The following RBFOX1 variants were observed in gnomAD, a reference collection of about 807,000 sequenced individuals.
RBFOX1 encodes the protein RNA binding fox-1 homolog 1.
Under a neutral mutation model 57.7 loss-of-function variants are expected in RBFOX1, and 8 were observed. The ratio of observed to expected loss-of-function variants is 0.14; its 90% CI spans 0.08 to 0.25. RBFOX1 has a LOEUF of 0.25. Ranked by LOEUF, RBFOX1 falls within the 10% of genes least tolerant of loss-of-function variation. The pLI, the probability that RBFOX1 is intolerant of heterozygous loss-of-function variation, is 1.00. For synonymous variants in RBFOX1, 326 were observed against 222.4 expected (o/e 1.47, Z -4.15); for missense variants, 611 against 548.5 (o/e 1.11, Z -1.14).
intron 1 of RBFOX1, among the ~76,000 whole-genome samples, chr16:5,315,837 C>T (rs182250126): frequency 6.6e-6 from 1 of 152,212 alleles, no homozygotes; most frequent in Non-Finnish European, 1.5e-5. Flanking sequence ...CACCTCTGTG[C>T]TCACATTGTC....
At chr16:6,509,846 A>C (rs548278844) in intron 2 of RBFOX1, among the ~76,000 whole-genome samples, 13 of 152,324 alleles carry the variant, frequency 8.5e-5, no homozygotes, top group Non-Finnish European at 1.5e-4. Flanking sequence ...AAAAATATAA[A>C]ATTTTCAAAA....
intron 2 of RBFOX1, among the ~76,000 whole-genome samples, chr16:6,557,606 G>T (rs1028034606): frequency 6.6e-6 from 1 of 152,184 alleles, no homozygotes; most frequent in African/African-American, 2.4e-5. Flanking sequence ...CCTGTTGAAA[G>T]GGTAGTTAAG....
At chr16:5,924,244 C>T (rs1188458327) in intron 4 of RBFOX1, among the ~76,000 whole-genome samples, 1 of 152,122 alleles carries the variant, frequency 6.6e-6, no homozygotes, top group Non-Finnish European at 1.5e-5. Flanking sequence ...TTATAAATTA[C>T]CCAGTGTCAG....
intron 2 of RBFOX1, among the ~76,000 whole-genome samples, chr16:5,566,477 G>C (rs556774658): frequency 6.6e-6 from 1 of 151,798 alleles, no homozygotes; most frequent in East Asian, 1.9e-4. Flanking sequence ...CCGCTCCCTC[G>C]GGTTGTTATA....
At chr16:7,060,679 C>T (rs949022344) in intron 4 of RBFOX1, among the ~76,000 whole-genome samples, 1 of 152,132 alleles carries the variant, frequency 6.6e-6, no homozygotes, top group South Asian at 2.1e-4. Flanking sequence ...TTTATTGGAT[C>T]CCCCAGCAAG....
At chr16:7,095,222 C>A (rs1375763462) in intron 4 of RBFOX1, among the ~76,000 whole-genome samples, 1 of 152,118 alleles carries the variant, frequency 6.6e-6, no homozygotes, top group Non-Finnish European at 1.5e-5. Context: ...CTGCAACCTC[C>A]GCCTCCCAGG....
intron 4 of RBFOX1, among the ~76,000 whole-genome samples, chr16:7,091,996 A>G (rs1599239439): frequency 1.3e-5 from 2 of 152,300 alleles, no homozygotes; most frequent in East Asian, 3.9e-4. Context: ...CAAACAATAC[A>G]CGTGCCCTTT....
At chr16:6,757,889 T>C (rs12447582) in intron 3 of RBFOX1, among the ~76,000 whole-genome samples, 70,051 of 152,050 alleles carry the variant, frequency 0.46, 16,363 homozygotes, top group Middle Eastern at 0.52. Context: ...TGTATCAAAA[T>C]GTCACATGTA....
At chr16:5,712,221 T>C (rs1267937065) in intron 3 of RBFOX1, among the ~76,000 whole-genome samples, 1 of 152,180 alleles carries the variant, frequency 6.6e-6, no homozygotes, top group Admixed American at 6.5e-5. Context: ...CCTCAACACC[T>C]GGGGATTACC....
intron 1 of RBFOX1, among the ~76,000 whole-genome samples, chr16:5,249,826 G>T (rs77559775): frequency 0.14 from 21,646 of 152,210 alleles, 1,823 homozygotes; most frequent in East Asian, 0.3. Context: ...GGGCTTGGTG[G>T]TGCCCACCTG....
intron 2 of RBFOX1, among the ~76,000 whole-genome samples, chr16:6,550,927 A>G (rs1242457773): frequency 6.6e-6 from 1 of 152,192 alleles, no homozygotes; most frequent in African/African-American, 2.4e-5. Context: ...AACTCAAGTT[A>G]TCATCATTTG....
intron 3 of RBFOX1, among the ~76,000 whole-genome samples, chr16:7,001,683 C>T (rs890426601): frequency 2.0e-5 from 3 of 152,090 alleles, no homozygotes; most frequent in Non-Finnish European, 4.4e-5. Context: ...TCTCAAACTC[C>T]TGACCTGAAG....
chr16:7,034,840 TC>T (rs1568465198), intron 3 of RBFOX1, among the ~76,000 whole-genome samples: 15 of 96,100 alleles, frequency 1.6e-4, no homozygotes, highest in South Asian at 4.1e-4. Flanking sequence ...TTTTTTTTTT[TC>T]TTTTTTCTTT....
chr16:5,842,304 T>C (rs555547300), intron 3 of RBFOX1, among the ~76,000 whole-genome samples: 36 of 152,268 alleles, frequency 2.4e-4, no homozygotes, highest in African/African-American at 8.7e-4. Context: ...AACATTGTTG[T>C]TCCCTCCTAA....
At chr16:6,939,037 G>A (rs1016159920) in intron 3 of RBFOX1, among the ~76,000 whole-genome samples, 49 of 152,176 alleles carry the variant, frequency 3.2e-4, no homozygotes, top group African/African-American at 1.2e-3. Flanking sequence ...GACATGTGAC[G>A]AACTCTGGAA....
intron 3 of RBFOX1, among the ~76,000 whole-genome samples, chr16:6,689,936 G>A (rs1041050269): frequency 6.6e-6 from 1 of 152,224 alleles, no homozygotes; most frequent in Non-Finnish European, 1.5e-5. Context: ...CAGCAACGAA[G>A]AGGTGTAAGA....
chr16:6,889,400 T>C (rs760505145), intron 3 of RBFOX1, among the ~76,000 whole-genome samples: 3 of 152,206 alleles, frequency 2.0e-5, no homozygotes, highest in Non-Finnish European at 2.9e-5. Context: ...ATCTTACATA[T>C]GACGGCTCTG....
At chr16:6,132,032 T>C (rs1185364951) in intron 1 of RBFOX1, among the ~76,000 whole-genome samples, 1 of 152,240 alleles carries the variant, frequency 6.6e-6, no homozygotes, top group East Asian at 1.9e-4. Context: ...TTGTTTAGTA[T>C]GATTATTTTA....
chr16:7,289,152 A>G (rs1205487562), intron 4 of RBFOX1, among the ~76,000 whole-genome samples: 9 of 152,182 alleles, frequency 5.9e-5, no homozygotes, highest in Non-Finnish European at 1.2e-4. Flanking sequence ...CTGAGTTACA[A>G]AGAAGAAAAA....
Sources: allele counts gnomAD v4.1 joint callset (sites outside exome capture counted in the v4.1 genomes callset), GRCh38; gene constraint gnomAD v4.1.1; transcripts MANE v1.5; gene names NCBI Gene and HGNC (gene_info 2026-07-23, HGNC 2026-07-21).